The following MAGI2 variants were observed in gnomAD, a reference collection of about 807,000 sequenced individuals.
The protein encoded by MAGI2 is membrane-associated guanylate kinase, WW and PDZ domain-containing protein 2.
In MAGI2, 35 loss-of-function variants were observed where a neutral mutation model predicts 133.3. The observed-to-expected ratio is 0.26, with a 90% CI of 0.20 to 0.35. The LOEUF (loss-of-function observed/expected upper bound fraction) is 0.35, where lower values mean the gene tolerates loss of function less well. MAGI2 is among the 10% of genes least tolerant of loss of function. The pLI, the probability that MAGI2 is intolerant of heterozygous loss-of-function variation, is 1.00. For missense variants in MAGI2, 1,636 were observed against 1,863.4 expected, an observed-to-expected ratio of 0.88 and a Z score of 2.25; for synonymous variants, 729 against 710.6, an observed-to-expected ratio of 1.03 and a Z score of -0.41.
intron 2 of MAGI2, among the ~76,000 whole-genome samples, chr7:78,893,370 C>A (rs185377579): frequency 2.0e-4 from 30 of 152,106 alleles, no homozygotes; most frequent in Non-Finnish European, 3.5e-4. Flanking sequence ...CCCAGCCATC[C>A]CATTACTGGG....
chr7:78,421,816 A>T (rs909580492), intron 6 of MAGI2, among the ~76,000 whole-genome samples: 9 of 152,136 alleles, frequency 5.9e-5, no homozygotes. Flanking sequence ...AAACAACAAA[A>T]ACATAAACAA....
rs113049693 is a variant in MAGI2 at position 78,854,650 on chromosome 7, CT to C, written c.418+152439del. Among the ~76,000 whole-genome samples, 1,250 of 143,200 alleles carry C rather than the reference CT, an allele frequency of 8.7e-3. 10 individuals carry two copies. The highest frequency in any genetic ancestry group is 0.02 in the African/African-American group (799 of 39,198). The allele number at this position is 143,200 out of a possible 152,430, so 93.9% of individuals were successfully genotyped here. On this transcript the variant is annotated intron_variant, in intron 2 of 21. Coordinates refer to ENST00000354212, the MANE Select transcript of MAGI2 (RefSeq NM_012301.4). ...TAGGTTGGTTTCTTCTTCTGGATTC[CT>C]TTTTTTTTTTTTATTACAAGATATT...
At chr7:78,376,003 C>A (rs551589939) in intron 6 of MAGI2, among the ~76,000 whole-genome samples, 2 of 151,782 alleles carry the variant, frequency 1.3e-5, no homozygotes, top group East Asian at 3.9e-4. Context: ...TTCCTTTATT[C>A]AAAAATGCAT....
rs1448642100 is a variant in MAGI2, at chr7:78,127,319, G to T, written c.3301C>A (p.Pro1101Thr). 2.5e-6 allele frequency: 4 copies of T among 1,611,642 alleles called. No individual in the cohort carries two copies. Among genetic ancestry groups the T allele is most frequent in the East Asian group, 2.2e-5 (1 of 44,838 alleles). Residue 1101 changes from proline (P) to threonine (T), a missense_variant, in exon 19 of 22, where the codon CCC becomes ACC. Pro to Thr is a conservative substitution (Grantham distance 38). Around this residue, in one of 5 missense-constraint regions of MAGI2, gnomAD observed 920 missense variants for 1,093.5 expected, o/e 0.84. Transcript: ENST00000354212. ...GGCTGCTGGTAGTCCCCTCCTGGGG[G>T]TTGCCTGTAATCCAGCGGGGGCTGC... ...YRQPPLDYRQ[P>T]PGGDYQQPPP...
intron 2 of MAGI2, among the ~76,000 whole-genome samples, chr7:78,639,796 C>T (rs1031192204): frequency 1.3e-5 from 2 of 152,118 alleles, no homozygotes; most frequent in Admixed American, 1.3e-4. Flanking sequence ...TGACTGTGGG[C>T]CAGACACTAA....
intron 9 of MAGI2, among the ~76,000 whole-genome samples, chr7:78,259,658 AAGTC>A (rs1295194740): frequency 6.6e-6 from 1 of 152,134 alleles, no homozygotes; most frequent in African/African-American, 2.4e-5. Flanking sequence ...GGCCAAGTAA[AAGTC>A]AGAGAGGTAA....
intron 4 of MAGI2, among the ~76,000 whole-genome samples, chr7:78,514,572 A>C (rs1331398788): frequency 6.6e-6 from 1 of 152,244 alleles, no homozygotes; most frequent in Admixed American, 6.5e-5. Context: ...CGCTCAAAAA[A>C]GATAAATATC....
At chr7:79,289,631 G>A (rs1836301646) in intron 1 of MAGI2, among the ~76,000 whole-genome samples, 1 of 152,038 alleles carries the variant, frequency 6.6e-6, no homozygotes, top group South Asian at 2.1e-4. Flanking sequence ...GTGGTAAAAG[G>A]CAAATAAGAA....
At chr7:78,075,376 CTTTTTTTTTT>C (rs34396344) in intron 21 of MAGI2, among the ~76,000 whole-genome samples, 2 of 126,506 alleles carry the variant, frequency 1.6e-5, no homozygotes, top group South Asian at 5.1e-4. Context: ...TGTAATAAAT[CTTTTTTTTTT>C]TTTTTTTTGA....
chr7:78,019,524 G>T lies in MAGI2; in HGVS notation c.4159C>A (p.Pro1387Thr). Residue 1387 changes from proline to threonine, a missense_variant, in exon 22 of 22, where the codon CCG becomes ACG. By Grantham distance (38) the Pro-to-Thr change is conservative (BLOSUM62 -1). Transcript: ENST00000354212. ...LCRREGPGAA[P>T]AFAGPGGGGS... ...CCGCCGCCCGGGCCGGCAAACGCCG[G>T]CGCAGCCCCCGGGCCTTCGCGCCGG... The T allele has an allele frequency of 1.0e-6, 1 of 980,440 alleles. No homozygotes were observed. The highest frequency in any genetic ancestry group is 4.5e-5 in the South Asian group (1 of 21,994). The allele number at this position is 980,440 out of a possible 1,614,324, so 60.7% of individuals were successfully genotyped here.
intron 2 of MAGI2, among the ~76,000 whole-genome samples, chr7:78,718,211 T>C (rs908937464): frequency 2.6e-5 from 4 of 152,172 alleles, no homozygotes; most frequent in Admixed American, 2.0e-4. Flanking sequence ...AGATCAACTA[T>C]AGAGTGGCAG....
intron 1 of MAGI2, among the ~76,000 whole-genome samples, chr7:79,078,467 A>G (rs1815747623): frequency 6.6e-6 from 1 of 152,190 alleles, no homozygotes; most frequent in South Asian, 2.1e-4. Context: ...CCAAAGGTAT[A>G]TTTACACAAA....
intron 1 of MAGI2, among the ~76,000 whole-genome samples, chr7:79,225,382 T>C (rs1004342960): frequency 6.6e-6 from 1 of 152,236 alleles, no homozygotes; most frequent in East Asian, 1.9e-4. Context: ...AATTATAGAA[T>C]GTACTTGATT....
At chr7:78,442,950 T>C (rs953656126) in intron 6 of MAGI2, among the ~76,000 whole-genome samples, 1 of 152,206 alleles carries the variant, frequency 6.6e-6, no homozygotes, top group African/African-American at 2.4e-5. Context: ...ATTTGTTTTC[T>C]TTCTTTTATT....
At chr7:79,387,094 T>TTGTGTGTGTGTGTG (rs3050633) in intron 1 of MAGI2, among the ~76,000 whole-genome samples, 9,265 of 141,436 alleles carry the variant, frequency 0.066, 383 homozygotes, top group Middle Eastern at 0.12. Context: ...ATTTTTATGC[T>TTGTGTGTGTGTGTG]TGTGTGTGTG....
At chr7:78,610,928 C>A (rs1319836307) in intron 3 of MAGI2, among the ~76,000 whole-genome samples, 1 of 152,216 alleles carries the variant, frequency 6.6e-6, no homozygotes, top group African/African-American at 2.4e-5. Flanking sequence ...CTTCCAAGCA[C>A]AGACTATGTG....
chr7:78,499,044 A>T (rs1794381345), intron 5 of MAGI2, among the ~76,000 whole-genome samples: 1 of 127,822 alleles, frequency 7.8e-6, no homozygotes, highest in Non-Finnish European at 1.6e-5. Context: ...AGATTAAAAA[A>T]CTACAAACTC....
intron 1 of MAGI2, among the ~76,000 whole-genome samples, chr7:79,321,103 CT>C (rs925876476): frequency 3.9e-5 from 6 of 152,104 alleles, no homozygotes; most frequent in African/African-American, 1.4e-4. Flanking sequence ...TACTATGGTC[CT>C]TTTTACATTT....
intron 2 of MAGI2, among the ~76,000 whole-genome samples, chr7:78,686,924 A>G (rs1816383417): frequency 6.6e-6 from 1 of 152,216 alleles, no homozygotes; most frequent in African/African-American, 2.4e-5. Flanking sequence ...GTAGCATTCA[A>G]GCAGGGGTGA....
Sources: allele counts gnomAD v4.1 joint callset (sites outside exome capture counted in the v4.1 genomes callset), GRCh38; gene constraint gnomAD v4.1.1; regional missense constraint gnomAD v4.1.1; transcripts MANE v1.5; gene names NCBI Gene and HGNC (gene_info 2026-07-23, HGNC 2026-07-21).